Variants in HIVEP1 observed in about 807,000 individuals in gnomAD.
The protein encoded by HIVEP1 is HIVEP zinc finger 1, also known as zinc finger protein 40.
HIVEP1 carries 36 observed loss-of-function variants against 180.0 expected under a neutral mutation model. The observed-to-expected ratio is 0.20, with a 90% confidence interval of 0.15 to 0.26. HIVEP1 has a LOEUF of 0.26. Ranked by LOEUF, HIVEP1 falls within the 10% of genes least tolerant of loss-of-function variation. The pLI, the probability that HIVEP1 is intolerant of heterozygous loss-of-function variation, is 1.00. For synonymous variants in HIVEP1, 1,239 were observed against 1,239.0 expected, an observed-to-expected ratio of 1.00 and a Z score of 0.00; for missense variants, 3,143 against 3,268.7, an observed-to-expected ratio of 0.96 and a Z score of 0.94.
chr6:12,117,713 G>A (rs1775308958), intron 3 of HIVEP1, among the ~76,000 whole-genome samples: 1 of 152,226 alleles, frequency 6.6e-6, no homozygotes, highest in Non-Finnish European at 1.5e-5. Context: ...GGTTGAATAG[G>A]TCCTGGATGG....
Position 12,161,841 on chromosome 6 carries a change from C to A in HIVEP1, c.6890C>A (p.Ser2297Tyr). 6.2e-7 allele frequency: 1 copy of A among 1,614,016 alleles called. No individual in the cohort carries two copies. The highest frequency in any genetic ancestry group is 8.5e-7 in the Non-Finnish European group (1 of 1,179,938). ...DTIPSVDTSR[S>Y]PCHQMSVDYP... ...ATTCCGTCTGTAGACACTTCCAGGTCCCCGTGTCATCAGATGTCTGTGGAC... is the reference window on the plus strand; with the variant it reads ...ATTCCGTCTGTAGACACTTCCAGGTACCCGTGTCATCAGATGTCTGTGGAC... Residue 2297 changes from serine (S) to tyrosine (Y), a missense_variant, in exon 8 of 9, where the codon TCC (serine) becomes TAC (tyrosine). By Grantham distance (144) the Ser-to-Tyr change is moderately radical. Around this residue, in one of 12 missense-constraint regions of HIVEP1, gnomAD observed 595 missense variants for 602.2 expected, o/e 0.99. Coordinates refer to ENST00000379388, the MANE Select transcript of HIVEP1 (RefSeq NM_002114.4).
intron 2 of HIVEP1, among the ~76,000 whole-genome samples, chr6:12,046,352 C>T (rs1337540847): frequency 6.6e-6 from 1 of 152,060 alleles, no homozygotes; most frequent in Non-Finnish European, 1.5e-5. Context: ...CACATTTAAC[C>T]CTGCAAAAAA....
intron 7 of HIVEP1, among the ~76,000 whole-genome samples, chr6:12,159,836 A>AG (rs1489017415): frequency 1.4e-4 from 21 of 152,274 alleles, no homozygotes; most frequent in Non-Finnish European, 1.6e-4. Context: ...TAATTATAAA[A>AG]GTAGCACACG....
intron 7 of HIVEP1, among the ~76,000 whole-genome samples, chr6:12,151,536 T>C (rs1256171773): frequency 1.3e-5 from 2 of 152,242 alleles, no homozygotes; most frequent in Non-Finnish European, 2.9e-5. Flanking sequence ...TTTTGAATCC[T>C]GGCTTTGATG....
In HIVEP1 at chr6:12,163,702, T is replaced by C. The variant is rs376540983; in HGVS notation, c.7398T>C (p.Cys2466=). The C allele has an allele frequency of 2.2e-5, 35 of 1,614,050 alleles. No individual in the cohort carries two copies. The highest frequency in any genetic ancestry group is 2.8e-5 in the Non-Finnish European group (33 of 1,180,046). The change falls in exon 9 of 9, where the codon TGT becomes TGC. Residue 2466 remains cysteine (C), a synonymous_variant. Coordinates refer to ENST00000379388, the MANE Select transcript of HIVEP1 (RefSeq NM_002114.4). ...GVAELSSVVP[C]IPIGQIRVPG... Reference sequence around the variant, plus strand: ...CTGAATTAAGCAGTGTTGTGCCATGTATTCCTATCGGCCAAATCCGCGTGC... The same window carrying C: ...CTGAATTAAGCAGTGTTGTGCCATGCATTCCTATCGGCCAAATCCGCGTGC...
rs2113527671 is a variant in HIVEP1 at position 12,123,650 on chromosome 6, T to C, written c.3855T>C (p.Arg1285=). Residue 1285 remains arginine (R), a synonymous_variant, in exon 4 of 9, where the codon CGT becomes CGC. Coordinates refer to ENST00000379388, the MANE Select transcript of HIVEP1 (RefSeq NM_002114.4). ...TGCCACCCAAAAAGAAAAGGCTCCGTCTGGCTGAGATAGAACATTCCTCAA... is the reference window on the plus strand; with the variant it reads ...TGCCACCCAAAAAGAAAAGGCTCCGCCTGGCTGAGATAGAACATTCCTCAA... ...EKLPPKKKRL[R]LAEIEHSSTE... 1 of 1,614,122 alleles carries C rather than the reference T, an allele frequency of 6.2e-7. No homozygotes were observed. The highest frequency in any genetic ancestry group is 2.2e-5 in the East Asian group (1 of 44,886).
At chr6:12,198,718 G>A in the HIVEP1 span, among the ~76,000 whole-genome samples, 13 of 152,288 alleles carry the variant, frequency 8.5e-5, no homozygotes, top group East Asian at 1.5e-3. Flanking sequence ...TCCTGAGGAG[G>A]CAACAACAGT....
intron 2 of HIVEP1, among the ~76,000 whole-genome samples, chr6:12,065,692 CGTGTGTGTGTGT>C (rs61620887): frequency 3.7e-4 from 54 of 145,214 alleles, no homozygotes; most frequent in South Asian, 2.0e-3. Flanking sequence ...TGTGTGTGTG[CGTGTGTGTGTGT>C]GTGTGTGTGC....
the HIVEP1 span, among the ~76,000 whole-genome samples, chr6:12,176,970 A>C: frequency 4.6e-5 from 7 of 152,230 alleles, no homozygotes. Context: ...ACACCATGGA[A>C]TACTATGCAG....
intron 3 of HIVEP1, among the ~76,000 whole-genome samples, chr6:12,092,666 C>G (rs1025979387): frequency 2.6e-5 from 4 of 152,100 alleles, no homozygotes; most frequent in African/African-American, 7.2e-5. Context: ...TTTGTACTAT[C>G]AAGTACATGG....
chr6:12,165,465 A>G (rs550864734), downstream of HIVEP1, among the ~76,000 whole-genome samples: 7 of 152,148 alleles, frequency 4.6e-5, no homozygotes, highest in Non-Finnish European at 1.0e-4. Flanking sequence ...TCTGTCCAGC[A>G]CTGAACTACA....
chr6:12,157,103 C>T (rs536816867), intron 7 of HIVEP1, among the ~76,000 whole-genome samples: 6 of 152,184 alleles, frequency 3.9e-5, no homozygotes, highest in South Asian at 4.2e-4. Flanking sequence ...AAGTCCACTT[C>T]GTCTGATATT....
intron 3 of HIVEP1, among the ~76,000 whole-genome samples, chr6:12,090,762 A>G (rs74832803): frequency 0.071 from 5,876 of 82,636 alleles, 193 homozygotes; most frequent in Middle Eastern, 0.22. Flanking sequence ...TTTTTTTTAC[A>G]TCTAGTCATG....
intron 3 of HIVEP1, among the ~76,000 whole-genome samples, chr6:12,101,760 A>G (rs1774127009): frequency 6.6e-6 from 1 of 152,134 alleles, no homozygotes; most frequent in Non-Finnish European, 1.5e-5. Flanking sequence ...TGTCAATAAT[A>G]TCAATAATAT....
At position 12,048,773 on chromosome 6, in the gene HIVEP1, C is replaced by G. The variant is rs192927782; in HGVS notation, c.40+33105C>G. Among the ~76,000 whole-genome samples, 11 of 152,276 alleles carry G rather than the reference C, an allele frequency of 7.2e-5. No individual in the cohort carries two copies. In the East Asian group the frequency reaches 2.1e-3, roughly 29 times the overall value. ...ATACAGGCTTGTTTTGTGACCCTTT[C>G]TTTCCAGTTACTGGCTCACTTTTGA... On this transcript the variant is annotated intron_variant, in intron 2 of 8. Transcript: ENST00000379388.
intron 3 of HIVEP1, among the ~76,000 whole-genome samples, chr6:12,090,594 A>G (rs1362345502): frequency 6.7e-6 from 1 of 149,512 alleles, no homozygotes. Context: ...TTCTTACAGA[A>G]AAACAAGCAT....
At chr6:12,077,595 G>A (rs1203743790) in intron 2 of HIVEP1, among the ~76,000 whole-genome samples, 1 of 152,206 alleles carries the variant, frequency 6.6e-6, no homozygotes, top group Non-Finnish European at 1.5e-5. Flanking sequence ...CCAGCTGAAG[G>A]TGCCAACACA....
At chr6:12,021,579 C>T (rs1768213770) in intron 2 of HIVEP1, among the ~76,000 whole-genome samples, 1 of 152,208 alleles carries the variant, frequency 6.6e-6, no homozygotes, top group South Asian at 2.1e-4. Context: ...GATCATTCTT[C>T]TCCAGGTCTC....
intron 6 of HIVEP1, 87 bp from the exon 7 acceptor site, chr6:12,135,704 T>C: frequency 1.2e-6 from 1 of 816,918 alleles, no homozygotes; most frequent in Non-Finnish European, 2.0e-6. Flanking sequence ...GTACTTTTGC[T>C]TGAATAGGAA....
Sources: gnomAD v4.1 joint callset for allele counts (sites outside exome capture counted in the v4.1 genomes callset) on GRCh38, gnomAD v4.1.1 for gene constraint, gnomAD v4.1.1 regional missense constraint, MANE v1.5 for transcripts, NCBI Gene and HGNC (gene_info 2026-07-23, HGNC 2026-07-21) for gene names.